The following SLC9A4 variants were observed in gnomAD, a reference collection of about 807,000 sequenced individuals.
SLC9A4 encodes the protein solute carrier family 9 member A4.
SLC9A4 carries 63 observed loss-of-function variants against 67.4 expected under a neutral mutation model. The observed-to-expected ratio is 0.93, with a 90% confidence interval of 0.76 to 1.15. The LOEUF is 1.15. Ranked by LOEUF, SLC9A4 falls within the 50% of genes most tolerant of loss-of-function variation. The pLI, the probability that SLC9A4 is intolerant of heterozygous loss-of-function variation, is 0.00. For missense variants in SLC9A4, 1,089 were observed against 987.7 expected (o/e 1.10, Z -1.38); for synonymous variants, 393 against 367.2 (o/e 1.07, Z -0.80).
chr2:102,489,729 G>A (rs1003870446), intron 2 of SLC9A4, among the ~76,000 whole-genome samples: 1 of 152,200 alleles, frequency 6.6e-6, no homozygotes, highest in Non-Finnish European at 1.5e-5. Context: ...TGAACACCTT[G>A]TTTAACTTCC....
intron 11 of SLC9A4, among the ~76,000 whole-genome samples, chr2:102,528,317 A>G (rs992483811): frequency 1.3e-5 from 2 of 151,934 alleles, no homozygotes; most frequent in Non-Finnish European, 2.9e-5. Flanking sequence ...CGATAGTTTA[A>G]TTTTTTTAAA....
In SLC9A4 at chr2:102,479,041, G is replaced by A. The variant is rs760411918; in HGVS notation, c.459G>A (p.Glu153=). Residue 153 remains glutamate, a synonymous_variant, in exon 2 of 12, where the codon GAG becomes GAA. Coordinates refer to ENST00000295269, the MANE Select transcript of SLC9A4 (RefSeq NM_001011552.4). Reference sequence around the variant, plus strand: ...TCATGCCCACCCGGCCCTTCTTTGAGAACATCGGCTCCATCCTGTGGTGGG... The same window carrying A: ...TCATGCCCACCCGGCCCTTCTTTGAAAACATCGGCTCCATCCTGTGGTGGG... ...GYFMPTRPFF[E]NIGSILWWAV... The A allele has an allele frequency of 1.2e-6, 2 of 1,614,160 alleles. No homozygotes were observed. Among genetic ancestry groups the A allele is most frequent in the Admixed American group, 1.7e-5 (1 of 59,978 alleles).
intron 2 of SLC9A4, among the ~76,000 whole-genome samples, chr2:102,490,096 G>C (rs1182265618): frequency 6.9e-6 from 1 of 144,862 alleles, no homozygotes; most frequent in Non-Finnish European, 1.5e-5. Flanking sequence ...AACTTCCAAC[G>C]TTTTTTTTTT....
chr2:102,473,664 G>A lies in SLC9A4; in HGVS notation c.-96G>A. 1 of 1,494,296 alleles carries A rather than the reference G, an allele frequency of 6.7e-7. No homozygotes were observed. The highest frequency in any genetic ancestry group is 9.0e-7 in the Non-Finnish European group (1 of 1,110,710). The allele number at this position is 1,494,296 out of a possible 1,614,324, so 92.6% of individuals were successfully genotyped here. On this transcript the variant is annotated 5_prime_UTR_variant, in exon 1 of 12. Transcript: ENST00000295269. The stretch of plus-strand genomic sequence containing the variant: ...CACAGACTGTACCTATATTACTTTT[G>A]ACCCAGGTGGATGCAGTCACTCTCT...
Position 102,525,111 on chromosome 2 carries a change from A to G in SLC9A4, c.1906A>G (p.Arg636Gly), listed in dbSNP as rs1297165807. 6.2e-7 allele frequency: 1 copy of G among 1,614,140 alleles called. No individual in the cohort carries two copies. Among genetic ancestry groups the G allele is most frequent in the Non-Finnish European group, 8.5e-7 (1 of 1,179,994 alleles). ...EILIRRQNTL[R>G]ESMRKGHSLP... Reference sequence around the variant, plus strand: ...TCTGATCCGCCGCCAGAACACCTTAAGGGAGAGCATGAGGAAAGGTCACAG... The same window carrying G: ...TCTGATCCGCCGCCAGAACACCTTAGGGGAGAGCATGAGGAAAGGTCACAG... Residue 636 changes from arginine to glycine, a missense_variant, in exon 10 of 12, where the codon AGG becomes GGG. By Grantham distance (125) the Arg-to-Gly change is moderately radical (BLOSUM62 -2). Coordinates refer to ENST00000295269, the MANE Select transcript of SLC9A4 (RefSeq NM_001011552.4).
chr2:102,501,774 A>C (rs1045143108), intron 2 of SLC9A4, among the ~76,000 whole-genome samples: 1 of 151,786 alleles, frequency 6.6e-6, no homozygotes, highest in Non-Finnish European at 1.5e-5. Flanking sequence ...GTCAGACCAC[A>C]CCCAAGATCA....
chr2:102,530,191 G>A (rs1188520401), intron 11 of SLC9A4, among the ~76,000 whole-genome samples: 5 of 152,182 alleles, frequency 3.3e-5, no homozygotes, highest in Admixed American at 6.5e-5. Context: ...TCCTGCATCA[G>A]GTAGTTCATC....
intron 3 of SLC9A4, among the ~76,000 whole-genome samples, chr2:102,505,021 C>G (rs1685020075): frequency 6.6e-6 from 1 of 152,174 alleles, no homozygotes; most frequent in South Asian, 2.1e-4. Context: ...TTTTATTTCA[C>G]CGTGCCACGC....
At chr2:102,529,625 A>G (rs367737441) in intron 11 of SLC9A4, among the ~76,000 whole-genome samples, 2 of 152,214 alleles carry the variant, frequency 1.3e-5, no homozygotes, top group South Asian at 4.1e-4. Context: ...ATCAAGCACA[A>G]TTGATCATTG....
chr2:102,518,665 G>A (rs1685328482), intron 8 of SLC9A4, among the ~76,000 whole-genome samples: 1 of 152,138 alleles, frequency 6.6e-6, no homozygotes, highest in Admixed American at 6.5e-5. Context: ...TTTATCAAAT[G>A]TACATTACTT....
At chr2:102,527,023 G>T (rs1021005113) in intron 11 of SLC9A4, among the ~76,000 whole-genome samples, 1 of 151,862 alleles carries the variant, frequency 6.6e-6, no homozygotes, top group African/African-American at 2.4e-5. Context: ...TAAACATAAA[G>T]GATTTTAGTA....
intron 2 of SLC9A4, among the ~76,000 whole-genome samples, chr2:102,483,184 G>A (rs992772582): frequency 5.9e-5 from 9 of 152,308 alleles, no homozygotes; most frequent in East Asian, 1.9e-4. Flanking sequence ...CGTTGGCTCC[G>A]TGGGGTTGTC....
chr2:102,528,149 A>C (rs1674703669), intron 11 of SLC9A4, among the ~76,000 whole-genome samples: 1 of 152,136 alleles, frequency 6.6e-6, no homozygotes, highest in Admixed American at 6.5e-5. Flanking sequence ...CTGGAATTAC[A>C]GGCATGTGCC....
At chr2:102,496,468 A>G (rs1024953284) in intron 2 of SLC9A4, among the ~76,000 whole-genome samples, 9 of 152,250 alleles carry the variant, frequency 5.9e-5, no homozygotes, top group Non-Finnish European at 1.3e-4. Flanking sequence ...AGTCCAAGGA[A>G]GCTGAGAGGC....
chr2:102,509,360 G>A (rs184004654), intron 6 of SLC9A4, among the ~76,000 whole-genome samples: 1 of 152,348 alleles, frequency 6.6e-6, no homozygotes, highest in East Asian at 1.9e-4. Context: ...CTGCAGCCAC[G>A]TGGATAGTTC....
At chr2:102,505,650 A>G (rs1573344078) in intron 4 of SLC9A4, 179 bp downstream of exon 4, 1 of 609,172 alleles carries the variant, frequency 1.6e-6, no homozygotes. Flanking sequence ...AGTCAGCTCA[A>G]AGTAATTAGT....
chr2:102,479,648 C>G (rs1244093277), intron 2 of SLC9A4, among the ~76,000 whole-genome samples: 1 of 152,182 alleles, frequency 6.6e-6, no homozygotes, highest in Non-Finnish European at 1.5e-5. Flanking sequence ...AAAGCAGAAA[C>G]TGATGTTTTT....
chr2:102,479,097 G>C lies in SLC9A4; in HGVS notation c.515G>C (p.Gly172Ala). 1 of 1,614,184 alleles carries C rather than the reference G, an allele frequency of 6.2e-7. No individual in the cohort carries two copies. The highest frequency in any genetic ancestry group is 8.5e-7 in the Non-Finnish European group (1 of 1,180,022). Residue 172 changes from glycine (G) to alanine (A), a missense_variant, in exon 2 of 12, where the codon GGC becomes GCC. Physicochemically the swap from Gly to Ala is moderately conservative, Grantham distance 60 (BLOSUM62 0). Transcript: ENST00000295269. ...AVLGALINAL[G>A]IGLSLYLICQ... ...TTGGGGGCCCTGATCAACGCCTTGGGCATTGGCCTCTCCCTCTACCTCATC... is the reference window on the plus strand; with the variant it reads ...TTGGGGGCCCTGATCAACGCCTTGGCCATTGGCCTCTCCCTCTACCTCATC...
chr2:102,489,225 G>A (rs1432776426), intron 2 of SLC9A4, among the ~76,000 whole-genome samples: 2 of 152,176 alleles, frequency 1.3e-5, no homozygotes, highest in Non-Finnish European at 2.9e-5. Flanking sequence ...AAGGAGGAGA[G>A]GGATTTGCAT....
Sources: allele counts gnomAD v4.1 joint callset (sites outside exome capture counted in the v4.1 genomes callset), GRCh38; gene constraint gnomAD v4.1.1; transcripts MANE v1.5; gene names NCBI Gene and HGNC (gene_info 2026-07-23, HGNC 2026-07-21).